LRBA: variants seen among roughly 807,000 people sequenced by gnomAD.
LRBA encodes lipopolysaccharide-responsive and beige-like anchor protein.
A neutral mutation model predicts 330.0 loss-of-function variants in LRBA; 176 were observed. The ratio of observed to expected loss-of-function variants is 0.53; its 90% CI spans 0.47 to 0.60. The LOEUF is 0.60. Among genes scored for constraint, LRBA ranks in the 20% least tolerant of loss-of-function variants. The probability of loss-of-function intolerance (pLI) is 0.00; values close to 1 mark genes in which losing one functional copy is unlikely to be tolerated. For synonymous variants in LRBA, 1,230 were observed against 1,193.0 expected, an observed-to-expected ratio of 1.03 and a Z score of -0.64; for missense variants, 3,259 against 3,444.8, an observed-to-expected ratio of 0.95 and a Z score of 1.35.
chr4:150,355,798 C>T (rs760355022), intron 47 of LRBA, among the ~76,000 whole-genome samples: 2 of 152,004 alleles, frequency 1.3e-5, no homozygotes, highest in Admixed American at 6.6e-5. Context: ...AATTAAGAGT[C>T]TTAATTCATT....
At chr4:150,351,740 G>A (rs1027375373) in intron 47 of LRBA, among the ~76,000 whole-genome samples, 5 of 152,142 alleles carry the variant, frequency 3.3e-5, no homozygotes, top group Admixed American at 2.6e-4. Context: ...CTCATCCACA[G>A]GGGTATGTTC....
chr4:151,004,911 T>C (rs947138701), intron 2 of LRBA, among the ~76,000 whole-genome samples: 2 of 151,910 alleles, frequency 1.3e-5, no homozygotes, highest in African/African-American at 4.8e-5. Flanking sequence ...CACTTGAACC[T>C]GGGAGACAGG....
At chr4:150,935,148 C>G (rs978269246) in intron 2 of LRBA, among the ~76,000 whole-genome samples, 1 of 149,188 alleles carries the variant, frequency 6.7e-6, no homozygotes, top group African/African-American at 2.5e-5. Context: ...TGCACTCCAG[C>G]CTGGTCAACA....
Position 150,552,423 on chromosome 4 carries a change from A to AATGC in LRBA, c.6330+35621_6330+35624dup, listed in dbSNP as rs376441380. 1.2e-3 allele frequency among the ~76,000 whole-genome samples: 177 copies of AATGC among 152,218 alleles called. 4 individuals carry two copies. Among genetic ancestry groups the AATGC allele is most frequent in the African/African-American group, 4.2e-3 (173 of 41,502 alleles). ...GCTCACCATCACTGGCCATCAGGGA[A>AATGC]ATGCAAATCAAAACCACAATGAGAT... is the stretch of plus-strand genomic sequence containing the variant. On this transcript the variant is annotated intron_variant, in intron 40 of 56. Transcript: ENST00000651943.
intron 56 of LRBA, among the ~76,000 whole-genome samples, chr4:150,274,719 C>T (rs1407908885): frequency 6.6e-6 from 1 of 152,162 alleles, no homozygotes; most frequent in Non-Finnish European, 1.5e-5. Context: ...TTCTTGGGCA[C>T]ATACACCCTC....
At chr4:150,531,627 A>G (rs1764064089) in intron 40 of LRBA, among the ~76,000 whole-genome samples, 1 of 152,208 alleles carries the variant, frequency 6.6e-6, no homozygotes, top group African/African-American at 2.4e-5. Context: ...ACAGGCACTC[A>G]ACAAATTTTG....
chr4:150,867,377 C>T (rs1050311979), intron 22 of LRBA, among the ~76,000 whole-genome samples: 1 of 151,898 alleles, frequency 6.6e-6, no homozygotes, highest in Non-Finnish European at 1.5e-5. Context: ...CAGTTTTTGC[C>T]GCAACTACTT....
chr4:150,655,549 G>C (rs1403070127), intron 37 of LRBA, among the ~76,000 whole-genome samples: 1 of 152,192 alleles, frequency 6.6e-6, no homozygotes, highest in East Asian at 1.9e-4. Flanking sequence ...TTCACTACAA[G>C]CTTGTGTTTT....
rs1050278106 is a variant in LRBA at position 150,749,594 on chromosome 4, C to CA, written c.5645+12188dup. ...AACATAGCAAGTCCCTATCTCTACCCAAAAAAAAAATAATAATAATAGCTG... is the reference window on the plus strand; with the variant it reads ...AACATAGCAAGTCCCTATCTCTACCCAAAAAAAAAAATAATAATAATAGCTG... On this transcript the variant is annotated intron_variant, in intron 35 of 56. Transcript: ENST00000651943. Among the ~76,000 whole-genome samples the CA allele has an allele frequency of 1.7e-3, 251 of 148,108 alleles. 1 individual carries two copies. The highest frequency in any genetic ancestry group is 5.4e-3 in the African/African-American group (217 of 40,440).
At chr4:150,682,927 A>G (rs1337172834) in intron 37 of LRBA, among the ~76,000 whole-genome samples, 2 of 152,100 alleles carry the variant, frequency 1.3e-5, no homozygotes, top group Non-Finnish European at 2.9e-5. Context: ...CAAGTTCCTT[A>G]GTCTTAAAGG....
chr4:150,662,622 G>A (rs768151726), intron 37 of LRBA, among the ~76,000 whole-genome samples: 1 of 152,196 alleles, frequency 6.6e-6, no homozygotes, highest in Non-Finnish European at 1.5e-5. Flanking sequence ...GAGTGAAAGT[G>A]TAAGATAAGA....
At chr4:150,369,389 G>C (rs188106268) in intron 47 of LRBA, among the ~76,000 whole-genome samples, 26 of 152,248 alleles carry the variant, frequency 1.7e-4, no homozygotes, top group Non-Finnish European at 3.1e-4. Flanking sequence ...TTAGCTGAAA[G>C]CACAAGAAGG....
At chr4:150,685,190 C>A (rs1783425236) in intron 36 of LRBA, among the ~76,000 whole-genome samples, 1 of 151,214 alleles carries the variant, frequency 6.6e-6, no homozygotes, top group South Asian at 2.1e-4. Context: ...ACTCCAGAAT[C>A]ATGAACTTCC....
At chr4:150,625,800 C>G (rs529587571) in intron 37 of LRBA, among the ~76,000 whole-genome samples, 3 of 151,736 alleles carry the variant, frequency 2.0e-5, no homozygotes, top group Non-Finnish European at 4.4e-5. Flanking sequence ...ACCTCCACCT[C>G]CCGGGTTAGA....
At chr4:150,952,362 T>C (rs1178546862) in intron 2 of LRBA, among the ~76,000 whole-genome samples, 1 of 152,104 alleles carries the variant, frequency 6.6e-6, no homozygotes, top group Non-Finnish European at 1.5e-5. Context: ...TGGGTGTGTG[T>C]GCTGCAAGAA....
intron 37 of LRBA, among the ~76,000 whole-genome samples, chr4:150,651,127 A>G (rs962372909): frequency 6.6e-6 from 1 of 152,188 alleles, no homozygotes; most frequent in Non-Finnish European, 1.5e-5. Flanking sequence ...GCTAATTATT[A>G]TACTGTAAAG....
At chr4:150,848,335 G>A (rs911948746) in intron 26 of LRBA, among the ~76,000 whole-genome samples, 1 of 151,956 alleles carries the variant, frequency 6.6e-6, no homozygotes, top group Non-Finnish European at 1.5e-5. Flanking sequence ...AATCTAATCT[G>A]CATTTTAACA....
chr4:150,581,173 T>G (rs1367586243), intron 40 of LRBA: 3 of 212,814 alleles, frequency 1.4e-5, no homozygotes, highest in Non-Finnish European at 1.9e-5. Flanking sequence ...TAGTTAATTC[T>G]TGTAACGATA....
chr4:150,487,727 A>T lies in LRBA; in HGVS notation c.6551+5T>A. The stretch of plus-strand genomic sequence containing the variant: ...TTTCCCTAAGTTTCTCATATAAAAC[A>T]GTACCTGGTTTGAGGCAATCCAAAA... On this transcript the variant is annotated splice_donor_5th_base_variant and intron_variant, in intron 42 of 56. Coordinates refer to ENST00000651943, the MANE Select transcript of LRBA (RefSeq NM_001364905.1). 2.5e-6 allele frequency: 4 copies of T among 1,572,976 alleles called. No homozygotes were observed. The highest frequency in any genetic ancestry group is 3.5e-6 in the Non-Finnish European group (4 of 1,148,602).
Sources: gnomAD v4.1 joint callset for allele counts (sites outside exome capture counted in the v4.1 genomes callset) on GRCh38, gnomAD v4.1.1 for gene constraint, MANE v1.5 for transcripts, NCBI Gene and HGNC (gene_info 2026-07-23, HGNC 2026-07-21) for gene names.